The following BEND5 variants were observed in gnomAD, a reference collection of about 807,000 sequenced individuals.
BEND5 encodes the protein BEN domain-containing protein 5.
In BEND5, 22 loss-of-function variants were observed where a neutral mutation model predicts 43.9. The ratio of observed to expected loss-of-function variants is 0.50; its 90% CI spans 0.36 to 0.72. The LOEUF is 0.72. Among genes scored for constraint, BEND5 ranks in the 30% least tolerant of loss-of-function variants. BEND5 has a pLI of 0.00. For missense variants in BEND5, 428 were observed against 550.6 expected (o/e 0.78, Z 2.23); for synonymous variants, 228 against 225.9 (o/e 1.01, Z -0.08).
chr1:48,774,066 A>G (rs762885481), intron 1 of BEND5, among the ~76,000 whole-genome samples: 10 of 152,234 alleles, frequency 6.6e-5, no homozygotes, highest in Non-Finnish European at 1.3e-4. Flanking sequence ...TTGGGCCAAC[A>G]CTCAGTATAG....
chr1:48,733,670 C>T (rs1231701089), intron 5 of BEND5, among the ~76,000 whole-genome samples: 1 of 152,154 alleles, frequency 6.6e-6, no homozygotes, highest in Non-Finnish European at 1.5e-5. Context: ...TGCACTGCTA[C>T]AATCCTAGGC....
At chr1:48,733,744 A>G (rs1413901243) in intron 5 of BEND5, among the ~76,000 whole-genome samples, 4 of 152,212 alleles carry the variant, frequency 2.6e-5, no homozygotes, top group Non-Finnish European at 5.9e-5. Context: ...AATCTGAAAC[A>G]TGGAGAGAAA....
intron 1 of BEND5, among the ~76,000 whole-genome samples, chr1:48,775,674 AG>A (rs1195192421): frequency 6.6e-6 from 1 of 152,176 alleles, no homozygotes; most frequent in African/African-American, 2.4e-5. Flanking sequence ...CTCTTTACAA[AG>A]GAAAAGGTGT....
At chr1:48,770,612 C>T (rs1644767119) in intron 1 of BEND5, among the ~76,000 whole-genome samples, 1 of 152,188 alleles carries the variant, frequency 6.6e-6, no homozygotes, top group Non-Finnish European at 1.5e-5. Flanking sequence ...TCTTCTGAAC[C>T]TCAGACCACA....
Position 48,776,546 on chromosome 1 carries a change from C to T in BEND5, c.226+60G>A, listed in dbSNP as rs2148710136. ...GGTCCCCTCCGCCCGGGCCCCCGGC[C>T]CCTCCCGGGGTCCCAGCCCCCGCCC... On this transcript the variant is annotated intron_variant, in intron 1 of 5. Coordinates refer to ENST00000371833, the MANE Select transcript of BEND5 (RefSeq NM_024603.4). 8.0e-6 allele frequency: 10 copies of T among 1,250,466 alleles called. No homozygotes were observed. The South Asian group carries it at 1.8e-4, about 22-fold the overall frequency. 77.5% of individuals were successfully genotyped at this position (1,250,466 alleles called of 1,614,324 possible). A position where few individuals can be genotyped will look rare whatever the true frequency, so the allele number is the denominator to read the frequency against.
chr1:48,732,608 G>T (rs116446730), intron 5 of BEND5, among the ~76,000 whole-genome samples: 33 of 152,298 alleles, frequency 2.2e-4, no homozygotes, highest in Non-Finnish European at 4.4e-4. Flanking sequence ...AGGGCACGCA[G>T]ATCAGGAGCA....
intron 3 of BEND5, among the ~76,000 whole-genome samples, chr1:48,747,773 G>A (rs1216461856): frequency 6.6e-6 from 1 of 152,128 alleles, no homozygotes; most frequent in Non-Finnish European, 1.5e-5. Context: ...GACTAATGCT[G>A]TTCTTTCTGA....
chr1:48,772,157 C>T (rs1223630468), intron 1 of BEND5, among the ~76,000 whole-genome samples: 1 of 152,304 alleles, frequency 6.6e-6, no homozygotes, highest in African/African-American at 2.4e-5. Context: ...AGAGGAGTTC[C>T]CTGTCAGGCA....
At chr1:48,741,814 C>T (rs560755938) in intron 4 of BEND5, among the ~76,000 whole-genome samples, 2 of 152,310 alleles carry the variant, frequency 1.3e-5, no homozygotes, top group South Asian at 2.1e-4. Context: ...GTAATGCATG[C>T]CACAGTGGCA....
At chr1:48,768,760 A>G (rs555257295) in intron 1 of BEND5, among the ~76,000 whole-genome samples, 1 of 152,348 alleles carries the variant, frequency 6.6e-6, no homozygotes, top group Non-Finnish European at 1.5e-5. Flanking sequence ...AATGCTTTGT[A>G]AAGGTCTTAT....
At chr1:48,751,569 C>T (rs1181585070) in intron 3 of BEND5, among the ~76,000 whole-genome samples, 2 of 152,200 alleles carry the variant, frequency 1.3e-5, no homozygotes, top group East Asian at 3.9e-4. Flanking sequence ...AGTGTCTGGC[C>T]CAAAGCAGGT....
At chr1:48,748,904 G>A (rs78432620) in intron 3 of BEND5, among the ~76,000 whole-genome samples, 2 of 152,020 alleles carry the variant, frequency 1.3e-5, no homozygotes, top group African/African-American at 4.8e-5. Context: ...AGAGGCAGGA[G>A]AAAAAAATTC....
chr1:48,776,319 A>G (rs973589935), intron 1 of BEND5, among the ~76,000 whole-genome samples: 1 of 152,228 alleles, frequency 6.6e-6, no homozygotes. Context: ...AAGAAAACAC[A>G]AAGAATCAGA....
At chr1:48,741,329 A>G (rs1314760446) in intron 4 of BEND5, among the ~76,000 whole-genome samples, 1 of 152,244 alleles carries the variant, frequency 6.6e-6, no homozygotes, top group East Asian at 1.9e-4. Flanking sequence ...GGATGCCGAG[A>G]CCCAGAGAAG....
At chr1:48,762,461 G>A (rs951729447) in intron 1 of BEND5, among the ~76,000 whole-genome samples, 6 of 152,200 alleles carry the variant, frequency 3.9e-5, no homozygotes, top group Non-Finnish European at 1.5e-5. Context: ...AATACTTTGT[G>A]TTCAGGGCTT....
intron 1 of BEND5, among the ~76,000 whole-genome samples, chr1:48,767,820 G>A (rs1404000265): frequency 6.6e-6 from 1 of 152,136 alleles, no homozygotes; most frequent in Non-Finnish European, 1.5e-5. Context: ...TCCAGGGCAA[G>A]GGAAACCACC....
At chr1:48,763,483 T>C (rs1268489701) in intron 1 of BEND5, among the ~76,000 whole-genome samples, 1 of 151,934 alleles carries the variant, frequency 6.6e-6, no homozygotes, top group Non-Finnish European at 1.5e-5. Context: ...TGTGTGTGTA[T>C]GTGTGTGTGT....
intron 5 of BEND5, among the ~76,000 whole-genome samples, chr1:48,735,550 A>C (rs1006081053): frequency 1.3e-5 from 2 of 151,908 alleles, no homozygotes; most frequent in Non-Finnish European, 2.9e-5. Flanking sequence ...AGGAAAAAGG[A>C]AAGGAGGGAG....
chr1:48,747,632 C>T (rs1650979666), intron 3 of BEND5, among the ~76,000 whole-genome samples: 1 of 152,184 alleles, frequency 6.6e-6, no homozygotes, highest in African/African-American at 2.4e-5. Context: ...TTTACTTTAC[C>T]TCTTTAAGCC....
Sources: allele counts gnomAD v4.1 joint callset (sites outside exome capture counted in the v4.1 genomes callset), GRCh38; gene constraint gnomAD v4.1.1; transcripts MANE v1.5; gene names NCBI Gene and HGNC (gene_info 2026-07-23, HGNC 2026-07-21).